Variants in ANKH observed in about 807,000 individuals in gnomAD.
ANKH encodes mineralization regulator ANKH.
A neutral mutation model predicts 49.0 loss-of-function variants in ANKH; 15 were observed. The ratio of observed to expected loss-of-function variants is 0.31; its 90% CI spans 0.20 to 0.47. ANKH has a LOEUF of 0.47. Among genes scored for constraint, ANKH ranks in the 20% least tolerant of loss-of-function variants. The pLI is 1.00. For missense variants in ANKH, 429 were observed against 652.0 expected, an observed-to-expected ratio of 0.66 and a Z score of 3.72; for synonymous variants, 273 against 260.0, an observed-to-expected ratio of 1.05 and a Z score of -0.48.
At chr5:14,871,030 A>G (rs1580129888) in intron 1 of ANKH, 2 of 432,214 alleles carry the variant, frequency 4.6e-6, no homozygotes, top group East Asian at 1.2e-4. Context: ...ACTAGAAACT[A>G]CATTTTAATT....
chr5:14,762,100 C>T (rs771637219), intron 2 of ANKH, among the ~76,000 whole-genome samples: 11 of 152,086 alleles, frequency 7.2e-5, no homozygotes, highest in Admixed American at 2.0e-4. Context: ...TAACAAAGGC[C>T]GAAAGGAGCA....
rs546591284 is a variant in ANKH, at chr5:14,792,330, G to C, written c.97-23139C>G. On this transcript the variant is annotated intron_variant, in intron 1 of 11. Transcript: ENST00000284268. ...TGGGAAGAATGTGCATAGTGGACTAGAGTGGCAAAAAACAGAGTCAGGAAA... is the reference window on the plus strand; with the variant it reads ...TGGGAAGAATGTGCATAGTGGACTACAGTGGCAAAAAACAGAGTCAGGAAA... Among the ~76,000 whole-genome samples the C allele has an allele frequency of 1.8e-3, 270 of 152,332 alleles. 1 individual carries two copies. The highest frequency in any genetic ancestry group is 6.2e-3 in the African/African-American group (256 of 41,584).
intron 1 of ANKH, among the ~76,000 whole-genome samples, chr5:14,836,052 T>C (rs1741641766): frequency 6.6e-6 from 1 of 152,142 alleles, no homozygotes; most frequent in African/African-American, 2.4e-5. Context: ...AAAAGGCCTT[T>C]GACAAAATTC....
At chr5:14,721,305 A>G (rs1165869061) in intron 8 of ANKH, among the ~76,000 whole-genome samples, 1 of 152,154 alleles carries the variant, frequency 6.6e-6, no homozygotes, top group African/African-American at 2.4e-5. Flanking sequence ...CACACCCTAA[A>G]TGCCCCTTAT....
At position 14,711,108 on chromosome 5, in the gene ANKH, G is replaced by A; in HGVS notation, c.*89C>T. ...CATTACCAAAACAAAACAAAAAAAA[G>A]GGAACAAAATACGATGGGAGAGGGA... On this transcript the variant is annotated 3_prime_UTR_variant, in exon 12 of 12. Transcript: ENST00000284268. 2 of 1,179,158 alleles carry A rather than the reference G, an allele frequency of 1.7e-6. No homozygotes were observed. Among genetic ancestry groups the A allele is most frequent in the South Asian group, 1.2e-5 (1 of 82,190 alleles). 73.0% of individuals were successfully genotyped at this position (1,179,158 alleles called of 1,614,324 possible). A position where few individuals can be genotyped will look rare whatever the true frequency, so the allele number is the denominator to read the frequency against.
intron 1 of ANKH, among the ~76,000 whole-genome samples, chr5:14,811,219 C>T (rs368044659): frequency 6.7e-6 from 1 of 148,554 alleles, no homozygotes; most frequent in African/African-American, 2.6e-5. Context: ...AGCTCAGCCG[C>T]TTCATATTCC....
intron 2 of ANKH, among the ~76,000 whole-genome samples, chr5:14,763,545 T>A (rs1210044127): frequency 1.3e-5 from 2 of 152,174 alleles, no homozygotes; most frequent in African/African-American, 2.4e-5. Flanking sequence ...ATAGGGGGCA[T>A]AAATATCACC....
At chr5:14,797,964 G>A in intron 1 of ANKH, 3 of 1,568,754 alleles carry the variant, frequency 1.9e-6, no homozygotes, top group Non-Finnish European at 2.6e-6. Flanking sequence ...AATATCACTG[G>A]AAGGAGTCTT....
intron 8 of ANKH, 86 bp downstream of exon 8, chr5:14,741,741 A>C: frequency 2.1e-6 from 2 of 955,030 alleles, no homozygotes; most frequent in South Asian, 2.7e-5. Flanking sequence ...CATTGTGGAA[A>C]ATAAGATTTC....
intron 8 of ANKH, among the ~76,000 whole-genome samples, chr5:14,719,022 A>G (rs912079051): frequency 9.2e-5 from 14 of 151,804 alleles, no homozygotes; most frequent in Non-Finnish European, 1.6e-4. Flanking sequence ...TTCTGGAAAG[A>G]GGGGACAGCG....
chr5:14,793,039 T>TATATATATAAAA (rs1740241557), intron 1 of ANKH, among the ~76,000 whole-genome samples: 1 of 52,616 alleles, frequency 1.9e-5, no homozygotes, highest in Non-Finnish European at 3.4e-5. Context: ...TATATAAAAA[T>TATATATATAAAA]ATATATATAA....
At position 14,746,482 on chromosome 5, in the gene ANKH, G is replaced by A. The variant is rs536726287; in HGVS notation, c.823-520C>T. The stretch of plus-strand genomic sequence containing the variant: ...CAGGTGAGCCAGTTTAATGATCTGC[G>A]TGGGGCCAGCTGATCCATCAAGTGC... On this transcript the variant is annotated intron_variant, in intron 6 of 11. Coordinates refer to ENST00000284268, the MANE Select transcript of ANKH (RefSeq NM_054027.6). Among the ~76,000 whole-genome samples the A allele has an allele frequency of 4.6e-5, 7 of 152,276 alleles. No homozygotes were observed. The South Asian group carries it at 1.4e-3, about 32-fold the overall frequency.
Position 14,871,506 on chromosome 5 carries a change from A to T in ANKH, c.-59T>A. On this transcript the variant is annotated 5_prime_UTR_variant, in exon 1 of 12. Coordinates refer to ENST00000284268, the MANE Select transcript of ANKH (RefSeq NM_054027.6). ...GCTGCCGCGAGGGGACTCTGCGGGG[A>T]GGCGAGGGGCGACGGGGCGACGGGG... The T allele has an allele frequency of 1.4e-6, 2 of 1,380,398 alleles. No individual in the cohort carries two copies. Among genetic ancestry groups the T allele is most frequent in the Non-Finnish European group, 2.0e-6 (2 of 1,003,934 alleles). The allele number at this position is 1,380,398 out of a possible 1,614,324, so 85.5% of individuals were successfully genotyped here.
At chr5:14,860,939 C>T (rs1735469652) in intron 1 of ANKH, among the ~76,000 whole-genome samples, 1 of 152,044 alleles carries the variant, frequency 6.6e-6, no homozygotes, top group Non-Finnish European at 1.5e-5. Flanking sequence ...CCCACCACCA[C>T]ACCCGGCTAA....
At chr5:14,836,824 C>A (rs1169482982) in intron 1 of ANKH, among the ~76,000 whole-genome samples, 2 of 152,052 alleles carry the variant, frequency 1.3e-5, no homozygotes. Flanking sequence ...AATCCTAAGC[C>A]AAAAGAACAA....
chr5:14,837,449 A>C (rs990210795), intron 1 of ANKH, among the ~76,000 whole-genome samples: 4 of 152,270 alleles, frequency 2.6e-5, no homozygotes, highest in African/African-American at 9.6e-5. Context: ...CAACCCCATC[A>C]AAAAGTGGAC....
chr5:14,716,874 G>A (rs1737484095), intron 8 of ANKH, 39 bp from the exon 9 acceptor site: 1 of 1,610,470 alleles, frequency 6.2e-7, no homozygotes, highest in Non-Finnish European at 8.5e-7. Context: ...TGAGGAAAAA[G>A]TGTAAGCAGG....
chr5:14,862,230 G>A (rs781016783), intron 1 of ANKH, among the ~76,000 whole-genome samples: 10 of 152,154 alleles, frequency 6.6e-5, no homozygotes, highest in Non-Finnish European at 1.5e-4. Context: ...GAGCGAAACT[G>A]TCTCAAACAA....
chr5:14,757,241 C>T (rs536596125), intron 3 of ANKH, among the ~76,000 whole-genome samples: 9 of 152,028 alleles, frequency 5.9e-5, no homozygotes, highest in Non-Finnish European at 1.0e-4. Flanking sequence ...GCTCAGGCAC[C>T]GCAGGGAAGC....
Sources: allele counts gnomAD v4.1 joint callset (sites outside exome capture counted in the v4.1 genomes callset), GRCh38; gene constraint gnomAD v4.1.1; transcripts MANE v1.5; gene names NCBI Gene and HGNC (gene_info 2026-07-23, HGNC 2026-07-21).